The following AKAIN1 variants were observed in gnomAD, a reference collection of about 807,000 sequenced individuals.
The protein encoded by AKAIN1 is A-kinase anchor inhibitor 1.
In AKAIN1, 3 loss-of-function variants were observed where a neutral mutation model predicts 3.7. The ratio of observed to expected loss-of-function variants is 0.82; its 90% CI spans 0.37 to 2.12. AKAIN1 has a LOEUF of 2.12. AKAIN1 is among the 30% of genes most tolerant of loss of function. AKAIN1 has a pLI of 0.06. For synonymous variants in AKAIN1, 31 were observed against 30.8 expected (o/e 1.01, Z -0.02); for missense variants, 82 against 82.7 (o/e 0.99, Z 0.03).
intron 1 of AKAIN1, among the ~76,000 whole-genome samples, chr18:5,186,768 C>G (rs952058172): frequency 6.6e-6 from 1 of 152,068 alleles, no homozygotes; most frequent in Non-Finnish European, 1.5e-5. Context: ...AAAACATTCA[C>G]CAAGATAGAC....
intron 1 of AKAIN1, among the ~76,000 whole-genome samples, chr18:5,153,737 C>T (rs898923265): frequency 2.6e-5 from 4 of 152,180 alleles, no homozygotes; most frequent in Non-Finnish European, 4.4e-5. Flanking sequence ...ATGATGGACA[C>T]GTCATTGCAT....
rs60652523 is a variant in AKAIN1, at chr18:5,177,491, C to CATAT, written c.16+19543_16+19546dup. ...TTTTACATACATGTTTTCTATTTTC[C>CATAT]ATATATATATATATGCATACATATG... is the stretch of plus-strand genomic sequence containing the variant. On this transcript the variant is annotated intron_variant, in intron 1 of 1. Coordinates refer to ENST00000434239, the MANE Select transcript of AKAIN1 (RefSeq NM_001145194.2). Among the ~76,000 whole-genome samples the CATAT allele has an allele frequency of 2.2e-4, 33 of 150,366 alleles. No homozygotes were observed. In the South Asian group the frequency reaches 3.6e-3, roughly 16 times the overall value.
chr18:5,184,832 G>GA (rs1158179096), intron 1 of AKAIN1, among the ~76,000 whole-genome samples: 3 of 152,096 alleles, frequency 2.0e-5, no homozygotes, highest in South Asian at 2.1e-4. Context: ...CACAGAATTA[G>GA]AAAAAAACTA....
intron 1 of AKAIN1, among the ~76,000 whole-genome samples, chr18:5,158,005 G>T (rs1462890724): frequency 6.6e-6 from 1 of 152,096 alleles, no homozygotes; most frequent in Non-Finnish European, 1.5e-5. Context: ...TGTTACAACT[G>T]ACTGTGGTAT....
chr18:5,179,423 G>GAA (rs1799241840), intron 1 of AKAIN1, among the ~76,000 whole-genome samples: 1 of 149,372 alleles, frequency 6.7e-6, no homozygotes, highest in African/African-American at 2.5e-5. Context: ...ATGTATGTGT[G>GAA]TATATATATA....
Position 5,167,487 on chromosome 18 carries a change from T to C in AKAIN1, c.17-21732A>G, listed in dbSNP as rs188676625. 8.7e-3 allele frequency among the ~76,000 whole-genome samples: 1,323 copies of C among 152,184 alleles called. 15 individuals are homozygous for C. Among genetic ancestry groups the C allele is most frequent in the Middle Eastern group, 0.034 (10 of 294 alleles). On this transcript the variant is annotated intron_variant, in intron 1 of 1. Transcript: ENST00000434239. ...TACATGAATGAAGGAGGAGTTACTG[T>C]TGTTTAAGCAAGCATTAGTATATGC...
chr18:5,175,647 C>G lies in AKAIN1; in HGVS notation c.16+21391G>C, dbSNP rs192166178. On this transcript the variant is annotated intron_variant, in intron 1 of 1. Coordinates refer to ENST00000434239, the MANE Select transcript of AKAIN1 (RefSeq NM_001145194.2). The stretch of plus-strand genomic sequence containing the variant: ...AGAAAAACGGTTCAGTAAGTTTATG[C>G]AGCGTTTCCACTGTTCTGGTAAGAA... Among the ~76,000 whole-genome samples the G allele has an allele frequency of 5.1e-3, 778 of 152,250 alleles. 10 individuals are homozygous for G. Among genetic ancestry groups the G allele is most frequent in the African/African-American group, 0.018 (739 of 41,538 alleles).
intron 1 of AKAIN1, among the ~76,000 whole-genome samples, chr18:5,152,320 T>C (rs1329249543): frequency 2.6e-5 from 4 of 152,162 alleles, no homozygotes; most frequent in Admixed American, 2.6e-4. Flanking sequence ...AGCAAAATAG[T>C]GGATGCCAAC....
chr18:5,157,315 C>A (rs923121535), intron 1 of AKAIN1, among the ~76,000 whole-genome samples: 1 of 152,344 alleles, frequency 6.6e-6, no homozygotes, highest in African/African-American at 2.4e-5. Context: ...TTATTTCCTT[C>A]TCTGCACAAA....
Position 5,192,430 on chromosome 18 carries a change from TTTCTTTCTTTC to T in AKAIN1, c.16+4597_16+4607del, listed in dbSNP as rs1339447426. On this transcript the variant is annotated intron_variant, in intron 1 of 1. Coordinates refer to ENST00000434239, the MANE Select transcript of AKAIN1 (RefSeq NM_001145194.2). ...CTTTCTTTCTTTCTTTCTTTCTTTC[TTTCTTTCTTTC>T]TTTCTTTTTCTTTTCTTTGGTAGAG... 9.5e-3 allele frequency among the ~76,000 whole-genome samples: 1,142 copies of T among 120,368 alleles called. 19 individuals carry two copies. The highest frequency in any genetic ancestry group is 0.034 in the East Asian group (89 of 2,646). The allele number at this position is 120,368 out of a possible 152,430, so 79.0% of individuals were successfully genotyped here. A position where few individuals can be genotyped will look rare whatever the true frequency, so the allele number is the denominator to read the frequency against.
At chr18:5,154,637 G>A (rs1306665413) in intron 1 of AKAIN1, among the ~76,000 whole-genome samples, 1 of 152,066 alleles carries the variant, frequency 6.6e-6, no homozygotes, top group Non-Finnish European at 1.5e-5. Flanking sequence ...CTGAGTTCTG[G>A]ACCCTGATGG....
chr18:5,184,540 A>G (rs2071276576), intron 1 of AKAIN1, among the ~76,000 whole-genome samples: 1 of 152,010 alleles, frequency 6.6e-6, no homozygotes, highest in Non-Finnish European at 1.5e-5. Flanking sequence ...ATCTCTATAC[A>G]CCAATAACCT....
At chr18:5,154,560 T>TA (rs760914255) in intron 1 of AKAIN1, among the ~76,000 whole-genome samples, 2 of 152,082 alleles carry the variant, frequency 1.3e-5, no homozygotes. Flanking sequence ...AATGAAATCC[T>TA]AAGCCTCCCC....
chr18:5,178,791 AC>A (rs2071240590), intron 1 of AKAIN1, among the ~76,000 whole-genome samples: 1 of 152,070 alleles, frequency 6.6e-6, no homozygotes, highest in African/African-American at 2.4e-5. Context: ...TTTTTATTTT[AC>A]CAGCCTGGGT....
rs553130181 is a variant in AKAIN1, at chr18:5,144,606, T to A, written c.*956A>T. ...GATTTTCATAATCTCAAAAAAAAAA[T>A]TTAATGTGTGAATGGGAAAAGTTAG... On this transcript the variant is annotated 3_prime_UTR_variant, in exon 2 of 2. Coordinates refer to ENST00000434239, the MANE Select transcript of AKAIN1 (RefSeq NM_001145194.2). Among the ~76,000 whole-genome samples, 2 of 152,224 alleles carry A rather than the reference T, an allele frequency of 1.3e-5. No individual in the cohort carries two copies. Among genetic ancestry groups the A allele is most frequent in the Admixed American group, 1.3e-4 (2 of 15,290 alleles).
chr18:5,146,182 G>T (rs2071048282), intron 1 of AKAIN1, among the ~76,000 whole-genome samples: 1 of 152,116 alleles, frequency 6.6e-6, no homozygotes, highest in Non-Finnish European at 1.5e-5. Flanking sequence ...AGGATCCTCA[G>T]CTGCTAGAGA....
At chr18:5,178,531 T>A (rs923652514) in intron 1 of AKAIN1, among the ~76,000 whole-genome samples, 2 of 152,118 alleles carry the variant, frequency 1.3e-5, no homozygotes, top group African/African-American at 2.4e-5. Context: ...TCTCAGTTTA[T>A]ACTTAATGGG....
At chr18:5,148,903 G>A (rs563280045) in intron 1 of AKAIN1, among the ~76,000 whole-genome samples, 5 of 151,946 alleles carry the variant, frequency 3.3e-5, no homozygotes, top group African/African-American at 1.2e-4. Context: ...ACTCAATAAG[G>A]TTCTAATGCT....
At chr18:5,178,677 G>C (rs1414336140) in intron 1 of AKAIN1, among the ~76,000 whole-genome samples, 1 of 152,162 alleles carries the variant, frequency 6.6e-6, no homozygotes, top group Admixed American at 6.6e-5. Flanking sequence ...TGCCTGTTGT[G>C]CCTGCCCTTA....
Sources: allele counts gnomAD v4.1 joint callset (sites outside exome capture counted in the v4.1 genomes callset), GRCh38; gene constraint gnomAD v4.1.1; transcripts MANE v1.5; gene names NCBI Gene and HGNC (gene_info 2026-07-23, HGNC 2026-07-21).